The following CDH4 variants were observed in gnomAD, a reference collection of about 807,000 sequenced individuals.
CDH4 encodes cadherin-4.
In CDH4, 33 loss-of-function variants were observed where a neutral mutation model predicts 86.0. The ratio of observed to expected loss-of-function variants is 0.38; its 90% confidence interval spans 0.29 to 0.51. The LOEUF is 0.51. Among genes scored for constraint, CDH4 ranks in the 20% least tolerant of loss-of-function variants. The probability of loss-of-function intolerance (pLI) is 0.86; values close to 1 mark genes in which losing one functional copy is unlikely to be tolerated. For missense variants in CDH4, 1,114 were observed against 1,307.4 expected (o/e 0.85, Z 2.28); for synonymous variants, 555 against 549.4 (o/e 1.01, Z -0.14).
chr20:61,318,154 G>T (rs764313764), intron 2 of CDH4, among the ~76,000 whole-genome samples: 15 of 152,150 alleles, frequency 9.9e-5, no homozygotes, highest in African/African-American at 3.6e-4. Flanking sequence ...CAGGATGTGT[G>T]AAAGGGGAAC....
intron 4 of CDH4, among the ~76,000 whole-genome samples, chr20:61,841,333 C>A (rs1982160976): frequency 1.3e-5 from 2 of 152,214 alleles, no homozygotes; most frequent in Non-Finnish European, 2.9e-5. Flanking sequence ...CGAATGTGAT[C>A]TCTTAGCTTT....
At chr20:61,445,702 A>G (rs1423706829) in intron 2 of CDH4, among the ~76,000 whole-genome samples, 4 of 152,350 alleles carry the variant, frequency 2.6e-5, no homozygotes, top group African/African-American at 9.6e-5. Context: ...TATATTTCAC[A>G]GTGCTCTCGA....
intron 2 of CDH4, among the ~76,000 whole-genome samples, chr20:61,334,987 A>G (rs1190287423): frequency 6.6e-6 from 1 of 152,230 alleles, no homozygotes; most frequent in Admixed American, 6.5e-5. Context: ...CTTCTCAGTA[A>G]GAGGCATTCT....
intron 3 of CDH4, among the ~76,000 whole-genome samples, chr20:61,749,642 A>G (rs78469500): frequency 2.4e-5 from 3 of 127,518 alleles, no homozygotes; most frequent in African/African-American, 5.8e-5. Flanking sequence ...CTTGGGCAGG[A>G]AAAAAAAAAA....
intron 2 of CDH4, among the ~76,000 whole-genome samples, chr20:61,373,804 C>T (rs2084852725): frequency 6.6e-6 from 1 of 152,162 alleles, no homozygotes; most frequent in African/African-American, 2.4e-5. Context: ...ACATCGAGGG[C>T]AACATAAATG....
At chr20:61,927,948 T>A (rs1329672817) in intron 11 of CDH4, among the ~76,000 whole-genome samples, 3 of 152,196 alleles carry the variant, frequency 2.0e-5, no homozygotes, top group Non-Finnish European at 2.9e-5. Flanking sequence ...TGAGGTGCCG[T>A]ACGCAGTGGT....
chr20:61,773,278 G>A (rs34611687), intron 4 of CDH4, 96 bp downstream of exon 4: 56,929 of 1,244,860 alleles, frequency 0.046, 1,553 homozygotes, highest in Middle Eastern at 0.066. Flanking sequence ...TCCGCGTTTG[G>A]TGTCTGAGAA....
intron 7 of CDH4, among the ~76,000 whole-genome samples, chr20:61,891,002 A>G (rs1984795185): frequency 6.6e-6 from 1 of 152,100 alleles, no homozygotes; most frequent in African/African-American, 2.4e-5. Context: ...TGAGAGAAGC[A>G]AAATCAATTC....
At chr20:61,433,648 G>A (rs1157418479) in intron 2 of CDH4, among the ~76,000 whole-genome samples, 3 of 152,192 alleles carry the variant, frequency 2.0e-5, no homozygotes, top group Non-Finnish European at 2.9e-5. Flanking sequence ...AAGAAAGTGA[G>A]AGCCAGCAAG....
At chr20:61,567,642 G>A (rs1318447734) in intron 2 of CDH4, among the ~76,000 whole-genome samples, 1 of 152,224 alleles carries the variant, frequency 6.6e-6, no homozygotes, top group Non-Finnish European at 1.5e-5. Context: ...AGACCATGCC[G>A]GGTCCTCCCC....
intron 8 of CDH4, among the ~76,000 whole-genome samples, chr20:61,903,943 G>A (rs1358226913): frequency 2.6e-5 from 4 of 152,228 alleles, no homozygotes; most frequent in African/African-American, 4.8e-5. Flanking sequence ...GCGAGGGCCC[G>A]CAAGCTTCTC....
At chr20:61,777,887 A>T (rs1978336631) in intron 4 of CDH4, among the ~76,000 whole-genome samples, 1 of 116,140 alleles carries the variant, frequency 8.6e-6, no homozygotes, top group African/African-American at 3.1e-5. Flanking sequence ...CTATACACAC[A>T]TGCACACACG....
intron 2 of CDH4, among the ~76,000 whole-genome samples, chr20:61,496,378 G>A (rs2085662843): frequency 6.6e-6 from 1 of 151,300 alleles, no homozygotes; most frequent in South Asian, 2.1e-4. Flanking sequence ...CTCCAGCCTG[G>A]GCAACAGAGC....
chr20:61,658,813 A>G (rs980299067), intron 2 of CDH4, among the ~76,000 whole-genome samples: 2 of 152,190 alleles, frequency 1.3e-5, no homozygotes, highest in African/African-American at 4.8e-5. Context: ...GGAGGCAGAC[A>G]GGCCTGGTGG....
chr20:61,446,495 G>A (rs2085350971), intron 2 of CDH4, among the ~76,000 whole-genome samples: 2 of 152,250 alleles, frequency 1.3e-5, no homozygotes, highest in Middle Eastern at 3.4e-3. Context: ...GTCATCAAAC[G>A]TTCATAGCTG....
intron 2 of CDH4, among the ~76,000 whole-genome samples, chr20:61,651,672 G>C (rs1370522309): frequency 6.6e-6 from 1 of 152,164 alleles, no homozygotes; most frequent in Non-Finnish European, 1.5e-5. Flanking sequence ...TGCTGCAGGG[G>C]ACTTGCACCA....
At chr20:61,402,104 T>A (rs562238007) in intron 2 of CDH4, among the ~76,000 whole-genome samples, 1 of 152,258 alleles carries the variant, frequency 6.6e-6, no homozygotes, top group Non-Finnish European at 1.5e-5. Flanking sequence ...ATAATGGATA[T>A]TTGCACAGAG....
intron 2 of CDH4, among the ~76,000 whole-genome samples, chr20:61,647,837 G>A (rs984548474): frequency 1.2e-4 from 19 of 152,132 alleles, no homozygotes; most frequent in Non-Finnish European, 2.4e-4. Context: ...GACTCAGAGG[G>A]AGAACAGCCC....
chr20:61,495,657 C>T (rs1380877210), intron 2 of CDH4, among the ~76,000 whole-genome samples: 1 of 152,162 alleles, frequency 6.6e-6, no homozygotes, highest in Admixed American at 6.5e-5. Context: ...AATCCCAGCA[C>T]TTTGGGAGGC....
Sources: gnomAD v4.1 joint callset for allele counts (sites outside exome capture counted in the v4.1 genomes callset) on GRCh38, gnomAD v4.1.1 for gene constraint, MANE v1.5 for transcripts, NCBI Gene and HGNC (gene_info 2026-07-23, HGNC 2026-07-21) for gene names.